The following WWC1 variants were observed in gnomAD, a reference collection of about 807,000 sequenced individuals.
WWC1 encodes the protein protein KIBRA.
Under a neutral mutation model 138.4 loss-of-function variants are expected in WWC1, and 55 were observed. The ratio of observed to expected loss-of-function variants is 0.40; its 90% CI spans 0.32 to 0.50. The LOEUF (loss-of-function observed/expected upper bound fraction) is 0.50, where lower values mean the gene tolerates loss of function less well. WWC1 is among the 20% of genes least tolerant of loss of function. WWC1 has a pLI of 0.72. For missense variants in WWC1, 1,226 were observed against 1,420.4 expected (o/e 0.86, Z 2.20); for synonymous variants, 524 against 564.9 (o/e 0.93, Z 1.03).
chr5:168,454,643 G>A (rs368413020), intron 18 of WWC1, among the ~76,000 whole-genome samples: 40 of 152,314 alleles, frequency 2.6e-4, no homozygotes, highest in Non-Finnish European at 5.0e-4. Context: ...AGCACCTGCC[G>A]TGTTTGAGCG....
In WWC1 at chr5:168,408,553, A is replaced by G. The variant is rs746472658; in HGVS notation, c.767A>G (p.His256Arg). Reference sequence around the variant, plus strand: ...GGCTTCCGCACTGACAGGGGGTCTCACTCAGACCTGTGGTCCAGCAGCAGC... The same window carrying G: ...GGCTTCCGCACTGACAGGGGGTCTCGCTCAGACCTGTGGTCCAGCAGCAGC... ...KDGFRTDRGSHSDLWSSSSSL... is the reference protein window; with the variant it reads ...KDGFRTDRGSRSDLWSSSSSL... The change falls in exon 7 of 23, where the codon CAC (histidine) becomes CGC (arginine). Residue 256 changes from histidine (H) to arginine (R), a missense_variant. Transcript: ENST00000265293. The G allele has an allele frequency of 6.2e-6, 10 of 1,614,006 alleles. No individual in the cohort carries two copies. In the South Asian group the frequency reaches 9.9e-5, roughly 16 times the overall value.
At chr5:168,299,727 A>C (rs1156376817) in intron 1 of WWC1, among the ~76,000 whole-genome samples, 1 of 152,242 alleles carries the variant, frequency 6.6e-6, no homozygotes, top group African/African-American at 2.4e-5. Context: ...CGCCAAGTTC[A>C]GGTGCACGTA....
intron 17 of WWC1, among the ~76,000 whole-genome samples, chr5:168,451,716 AC>A (rs1405849794): frequency 6.6e-6 from 1 of 152,092 alleles, no homozygotes; most frequent in Non-Finnish European, 1.5e-5. Flanking sequence ...GTCTCTAAAA[AC>A]AAAGAAAGAA....
At chr5:168,388,055 C>G (rs1026475430) in intron 3 of WWC1, among the ~76,000 whole-genome samples, 2 of 152,192 alleles carry the variant, frequency 1.3e-5, no homozygotes, top group African/African-American at 4.8e-5. Context: ...CTACAAATCA[C>G]TCACTAATTT....
intron 5 of WWC1, among the ~76,000 whole-genome samples, chr5:168,403,006 T>TTTC (rs1779430807): frequency 0.033 from 3,455 of 105,670 alleles, 168 homozygotes; most frequent in East Asian, 0.074. Context: ...TGTTGTTTCT[T>TTTC]TTTCTTTCTT....
At chr5:168,298,717 T>C (rs1158971138) in intron 1 of WWC1, among the ~76,000 whole-genome samples, 1 of 152,198 alleles carries the variant, frequency 6.6e-6, no homozygotes, top group East Asian at 1.9e-4. Flanking sequence ...GCATTCTATT[T>C]TGTGACCTCA....
At chr5:168,338,424 G>GT (rs140283483) in intron 1 of WWC1, among the ~76,000 whole-genome samples, 2 of 81,078 alleles carry the variant, frequency 2.5e-5, no homozygotes, top group Non-Finnish European at 5.1e-5. Flanking sequence ...CTTTTTTTTT[G>GT]GGGGGGGATT....
chr5:168,359,880 T>C (rs1775754295), intron 1 of WWC1, among the ~76,000 whole-genome samples: 1 of 152,206 alleles, frequency 6.6e-6, no homozygotes, highest in East Asian at 1.9e-4. Context: ...GTGTTAGTCA[T>C]ACAGCCTTGT....
At chr5:168,364,042 A>G (rs1424879498) in intron 1 of WWC1, among the ~76,000 whole-genome samples, 9 of 152,114 alleles carry the variant, frequency 5.9e-5, no homozygotes, top group Non-Finnish European at 7.4e-5. Context: ...ACCCACATTT[A>G]TCAAGGGCTT....
chr5:168,311,216 A>G (rs148375541), intron 1 of WWC1, among the ~76,000 whole-genome samples: 15 of 152,140 alleles, frequency 9.9e-5, no homozygotes, highest in Admixed American at 9.2e-4. Context: ...TCCATGGGAC[A>G]TCTGTCATCT....
Position 168,430,150 on chromosome 5 carries a change from A to C in WWC1, c.2014A>C (p.Asn672His), listed in dbSNP as rs987443138. ...TTTTCATTTCAGGTATGATGAGAAG[A>C]ATAAGCAATTTGCAATATTAATCAT... ...IQIALKYDEK[N>H]KQFAILIIQL... The change falls in exon 14 of 23, where the codon AAT becomes CAT. Residue 672 changes from asparagine (N) to histidine (H), a missense_variant. Asn to His is a moderately conservative substitution (Grantham distance 68). Coordinates refer to ENST00000265293, the MANE Select transcript of WWC1 (RefSeq NM_015238.3). 1 of 1,613,982 alleles carries C rather than the reference A, an allele frequency of 6.2e-7. No homozygotes were observed. Among genetic ancestry groups the C allele is most frequent in the Middle Eastern group, 1.6e-4 (1 of 6,062 alleles).
intron 12 of WWC1, 129 bp from the exon 13 acceptor site, chr5:168,428,578 A>G: frequency 1.2e-6 from 1 of 857,016 alleles, no homozygotes; most frequent in Non-Finnish European, 1.7e-6. Flanking sequence ...TTTAATTAAA[A>G]TTTAAAAAAG....
At chr5:168,303,239 T>G (rs1442268454) in intron 1 of WWC1, among the ~76,000 whole-genome samples, 1 of 152,228 alleles carries the variant, frequency 6.6e-6, no homozygotes, top group Non-Finnish European at 1.5e-5. Flanking sequence ...CATGTTCTTT[T>G]GTTTTGCTGA....
intron 1 of WWC1, among the ~76,000 whole-genome samples, chr5:168,316,268 C>T (rs1771585979): frequency 1.3e-5 from 2 of 152,204 alleles, no homozygotes; most frequent in South Asian, 4.1e-4. Flanking sequence ...GTCTTCATCG[C>T]ATCAGTGAAG....
chr5:168,374,045 C>CAAA (rs200314568), intron 2 of WWC1, among the ~76,000 whole-genome samples: 3 of 99,614 alleles, frequency 3.0e-5, no homozygotes, highest in African/African-American at 3.5e-5. Flanking sequence ...GATTCTGTAC[C>CAAA]AAAAAAAAAA....
intron 1 of WWC1, among the ~76,000 whole-genome samples, chr5:168,296,684 C>T (rs1769564041): frequency 6.6e-6 from 1 of 152,170 alleles, no homozygotes; most frequent in Non-Finnish European, 1.5e-5. Flanking sequence ...TTTAAATCCT[C>T]CTAACAACCC....
At chr5:168,454,500 A>G (rs1379260) in intron 18 of WWC1, among the ~76,000 whole-genome samples, 49,269 of 151,816 alleles carry the variant, frequency 0.32, 9,770 homozygotes, top group African/African-American at 0.54. Flanking sequence ...ATATTTCTTT[A>G]TGTGGGTCTG....
chr5:168,393,172 G>T (rs536998626), intron 3 of WWC1, among the ~76,000 whole-genome samples: 1 of 152,296 alleles, frequency 6.6e-6, no homozygotes, highest in Admixed American at 6.5e-5. Context: ...ATATGTTCCA[G>T]ATAGAACAGA....
chr5:168,335,592 C>G (rs1335354488), intron 1 of WWC1, among the ~76,000 whole-genome samples: 1 of 152,180 alleles, frequency 6.6e-6, no homozygotes, highest in Non-Finnish European at 1.5e-5. Flanking sequence ...GGAATTAGGA[C>G]TAAAGGAACT....
Sources: allele counts gnomAD v4.1 joint callset (sites outside exome capture counted in the v4.1 genomes callset), GRCh38; gene constraint gnomAD v4.1.1; transcripts MANE v1.5; gene names NCBI Gene and HGNC (gene_info 2026-07-23, HGNC 2026-07-21).